The following DIRAS3 variants were observed in gnomAD, a reference collection of about 807,000 sequenced individuals.
DIRAS3 encodes GTP-binding protein Di-Ras3.
For synonymous variants in DIRAS3, 133 were observed against 131.4 expected (o/e 1.01, Z -0.08); for missense variants, 248 against 300.6 (o/e 0.83, Z 1.29).
chr1:68,047,824 T>G, intron 1 of DIRAS3, among the ~76,000 whole-genome samples: 1 of 148,780 alleles, frequency 6.7e-6, no homozygotes, highest in Non-Finnish European at 1.5e-5. Flanking sequence ...AGCTACAGAG[T>G]CATCAGTACA....
chr1:68,047,438 T>C (rs1046219834), intron 1 of DIRAS3, 76 bp from the exon 2 acceptor site: 4 of 752,664 alleles, frequency 5.3e-6, no homozygotes, highest in Non-Finnish European at 6.4e-6. Context: ...CCTGGCCAGC[T>C]GCTCCACTAG....
In DIRAS3 at chr1:68,046,553, T is replaced by TCCA; in HGVS notation, c.*52_*54dup. Reference sequence around the variant, plus strand: ...TGTACATGTAACATAGTGAAATGAGTCCACGTTTTCTACACGCTACAGGAT... The same window carrying TCCA: ...TGTACATGTAACATAGTGAAATGAGTCCACCACGTTTTCTACACGCTACAGGAT... On this transcript the variant is annotated 3_prime_UTR_variant, in exon 2 of 2. Coordinates refer to ENST00000646789, the MANE Select transcript of DIRAS3 (RefSeq NM_004675.5). 1 of 1,503,494 alleles carries TCCA rather than the reference T, an allele frequency of 6.7e-7. No homozygotes were observed. The highest frequency in any genetic ancestry group is 9.0e-7 in the Non-Finnish European group (1 of 1,106,394). 93.1% of individuals were successfully genotyped at this position (1,503,494 alleles called of 1,614,324 possible).
rs768904401 is a variant in DIRAS3 at position 68,046,986 on chromosome 1, G to A, written c.312C>T (p.His104=). The A allele has an allele frequency of 2.5e-6, 4 of 1,614,196 alleles. No individual in the cohort carries two copies. The highest frequency in any genetic ancestry group is 3.4e-6 in the Non-Finnish European group (4 of 1,180,034). The change falls in exon 2 of 2, where the codon CAC becomes CAT. Residue 104 remains histidine, a synonymous_variant. Transcript: ENST00000646789. ...SGDGNRALQR[H]VIARGHAFVL... is the part of the protein sequence containing the mutation. ...CGAAGGCGTGGCCCCGGGCTATAAC[G>A]TGGCGCTGCAGAGCGCGGTTGCCGT...
intron 1 of DIRAS3, among the ~76,000 whole-genome samples, chr1:68,049,908 G>A (rs1645715352): frequency 6.6e-6 from 1 of 151,536 alleles, no homozygotes; most frequent in Non-Finnish European, 1.5e-5. Flanking sequence ...AAGGACACAC[G>A]TGATAACTGA....
intron 1 of DIRAS3, among the ~76,000 whole-genome samples, chr1:68,048,780 C>G (rs1049095627): frequency 1.2e-4 from 18 of 149,420 alleles, no homozygotes; most frequent in African/African-American, 4.0e-4. Flanking sequence ...TGCTCTGTCC[C>G]TCAGGTTGGA....
chr1:68,048,030 A>T (rs1645690772), intron 1 of DIRAS3, among the ~76,000 whole-genome samples: 1 of 46,738 alleles, frequency 2.1e-5, no homozygotes, highest in African/African-American at 1.0e-4. Flanking sequence ...AAAAAAAAAA[A>T]AAAAAAAAAA....
intron 1 of DIRAS3, among the ~76,000 whole-genome samples, chr1:68,048,327 C>G (rs1645699575): frequency 6.6e-6 from 1 of 151,920 alleles, no homozygotes; most frequent in Non-Finnish European, 1.5e-5. Flanking sequence ...ATCCTAAATA[C>G]CAGACAGCTG....
Position 68,047,315 on chromosome 1 carries a change from G to C in DIRAS3, c.-18C>G. On this transcript the variant is annotated 5_prime_UTR_variant, in exon 2 of 2. Transcript: ENST00000646789. ...TTACCCATCGTTGGGATTCGGAGGG[G>C]AGATACGTGCACAAGTTCTCCCACA... is the stretch of plus-strand genomic sequence containing the variant. 1 of 1,607,256 alleles carries C rather than the reference G, an allele frequency of 6.2e-7. No homozygotes were observed. The highest frequency in any genetic ancestry group is 8.5e-7 in the Non-Finnish European group (1 of 1,176,402).
chr1:68,047,308 CGGA>C lies in DIRAS3; in HGVS notation c.-14_-12del. The C allele has an allele frequency of 1.2e-6, 2 of 1,609,656 alleles. No homozygotes were observed. Among genetic ancestry groups the C allele is most frequent in the Non-Finnish European group, 1.7e-6 (2 of 1,177,662 alleles). ...GCTGGCGTTACCCATCGTTGGGATT[CGGA>C]GGGGAGATACGTGCACAAGTTCTCC... On this transcript the variant is annotated 5_prime_UTR_variant, in exon 2 of 2. Transcript: ENST00000646789.
At chr1:68,048,167 T>A (rs907139896) in intron 1 of DIRAS3, among the ~76,000 whole-genome samples, 5 of 147,860 alleles carry the variant, frequency 3.4e-5, no homozygotes, top group Admixed American at 6.8e-5. Context: ...GTGGTTTTTC[T>A]TTTGCCATGG....
rs774942756 is a variant in DIRAS3, at chr1:68,046,568, C to T, written c.*40G>A. The T allele has an allele frequency of 2.4e-5, 37 of 1,569,736 alleles. No individual in the cohort carries two copies. Among genetic ancestry groups the T allele is most frequent in the Middle Eastern group, 3.4e-4 (2 of 5,820 alleles). On this transcript the variant is annotated 3_prime_UTR_variant, in exon 2 of 2. Transcript: ENST00000646789. ...GTGAAATGAGTCCACGTTTTCTACA[C>T]GCTACAGGATAGGAAGAGCTGGCTC...
Position 68,046,725 on chromosome 1 carries a change from C to T in DIRAS3, c.573G>A (p.Leu191=), listed in dbSNP as rs766327434. 1.9e-6 allele frequency: 3 copies of T among 1,614,066 alleles called. No individual in the cohort carries two copies. Among genetic ancestry groups the T allele is most frequent in the Non-Finnish European group, 2.5e-6 (3 of 1,180,046 alleles). The change falls in exon 2 of 2, where the codon CTG becomes CTA. Residue 191 remains leucine (L), a synonymous_variant. Transcript: ENST00000646789. The part of the protein sequence containing the change: ...SAKTDVNVQE[L]FHMLLNYKKK... ...TCTTGTAATTCAGCAGCATGTGGAA[C>T]AGCTCCTGCACATTCACATCGGTCT...
rs948844601 is a variant in DIRAS3 at position 68,047,416 on chromosome 1, A to G, written c.-65-54T>C. ...GGTAGTGGTAACCTACAATGTTGTC[A>G]GATCATGTCAGCCTGGCCAGCTGCT... On this transcript the variant is annotated intron_variant, in intron 1 of 1. Transcript: ENST00000646789. 5 of 910,614 alleles carry G rather than the reference A, an allele frequency of 5.5e-6. No homozygotes were observed. The African/African-American group carries it at 6.7e-5, about 12-fold the overall frequency. 56.4% of individuals were successfully genotyped at this position (910,614 alleles called of 1,614,324 possible). A position where few individuals can be genotyped will look rare whatever the true frequency, so the allele number is the denominator to read the frequency against.
chr1:68,048,442 C>A (rs111366550), intron 1 of DIRAS3, among the ~76,000 whole-genome samples: 44 of 152,198 alleles, frequency 2.9e-4, no homozygotes, highest in African/African-American at 9.4e-4. Flanking sequence ...AGGAATAGTA[C>A]AAGGCAATGT....
intron 1 of DIRAS3, among the ~76,000 whole-genome samples, chr1:68,048,049 A>AAAAAATAT (rs1553173941): frequency 1.7e-3 from 12 of 7,266 alleles, no homozygotes; most frequent in Non-Finnish European, 2.2e-3. Context: ...AAAAAAAAAA[A>AAAAAATAT]ATATATATAT....
chr1:68,048,032 AAAAAAAAAAAAAAAAAAATATATATATAT>A (rs1645691082), intron 1 of DIRAS3, among the ~76,000 whole-genome samples: 1 of 52,514 alleles, frequency 1.9e-5, no homozygotes, highest in Non-Finnish European at 3.5e-5. Flanking sequence ...AAAAAAAAAA[AAAAAAAAAAAAAAAAAAATATATATATAT>A]ATATATATAT....
chr1:68,048,443 A>G (rs761752027), intron 1 of DIRAS3, among the ~76,000 whole-genome samples: 7 of 152,140 alleles, frequency 4.6e-5, no homozygotes, highest in Admixed American at 6.5e-5. Context: ...GGAATAGTAC[A>G]AGGCAATGTC....
chr1:68,046,439 G>T lies in DIRAS3; in HGVS notation c.*169C>A. On this transcript the variant is annotated 3_prime_UTR_variant, in exon 2 of 2. Transcript: ENST00000646789. Reference sequence around the variant, plus strand: ...ATGTTTTAACAATTTGAATTCTCTGGCCTGGGAAAAAGAAAAGTTATCCAC... The same window carrying T: ...ATGTTTTAACAATTTGAATTCTCTGTCCTGGGAAAAAGAAAAGTTATCCAC... 9 of 604,396 alleles carry T rather than the reference G, an allele frequency of 1.5e-5. No individual in the cohort carries two copies. Among genetic ancestry groups the T allele is most frequent in the Admixed American group, 3.3e-5 (1 of 30,252 alleles). The allele number at this position is 604,396 out of a possible 1,614,324, so 37.4% of individuals were successfully genotyped here.
intron 1 of DIRAS3, among the ~76,000 whole-genome samples, chr1:68,048,035 AAAAAAAAAAAAAAAATATATATATATAT>A (rs1257182574): frequency 1.7e-5 from 1 of 59,164 alleles, no homozygotes; most frequent in African/African-American, 7.8e-5. Context: ...AAAAAAAAAA[AAAAAAAAAAAAAAAATATATATATATAT>A]ATATATATAT....
Sources: gnomAD v4.1 joint callset for allele counts (sites outside exome capture counted in the v4.1 genomes callset) on GRCh38, gnomAD v4.1.1 for gene constraint, MANE v1.5 for transcripts, NCBI Gene and HGNC (gene_info 2026-07-23, HGNC 2026-07-21) for gene names.